DPH6: variants seen among roughly 807,000 people sequenced by gnomAD.
DPH6 encodes the protein diphthamine biosynthesis 6.
DPH6 carries 33 observed loss-of-function variants against 38.2 expected under a neutral mutation model. That is an observed-to-expected ratio of 0.86 (90% CI 0.65 to 1.15). DPH6 has a LOEUF of 1.15. Among genes scored for constraint, DPH6 ranks in the 50% most tolerant of loss-of-function variants. The pLI, the probability that DPH6 is intolerant of heterozygous loss-of-function variation, is 0.00. For synonymous variants in DPH6, 108 were observed against 103.0 expected, an observed-to-expected ratio of 1.05 and a Z score of -0.30; for missense variants, 325 against 320.0, an observed-to-expected ratio of 1.02 and a Z score of -0.12.
intron 3 of DPH6, among the ~76,000 whole-genome samples, chr15:35,527,109 G>T (rs183403458): frequency 6.6e-6 from 1 of 152,138 alleles, no homozygotes; most frequent in African/African-American, 2.4e-5. Flanking sequence ...TACTAATAAA[G>T]TCAAGAAAAT....
At chr15:35,362,152 C>T (rs961421553) in intron 3 of DPH6, among the ~76,000 whole-genome samples, 1 of 152,190 alleles carries the variant, frequency 6.6e-6, no homozygotes, top group Admixed American at 6.5e-5. Context: ...GGGGATGCCT[C>T]TTTCCTGGGT....
intron 5 of DPH6, among the ~76,000 whole-genome samples, chr15:35,420,183 G>T (rs2053486458): frequency 6.6e-6 from 1 of 152,098 alleles, no homozygotes; most frequent in African/African-American, 2.4e-5. Flanking sequence ...TCCTGAAGGA[G>T]CATATGACCC....
In DPH6 at chr15:35,248,778, C is replaced by A. The variant is rs548265356; in HGVS notation, n.201-28196G>T. Among the ~76,000 whole-genome samples, 27 of 152,250 alleles carry A rather than the reference C, an allele frequency of 1.8e-4. No homozygotes were observed. The East Asian group carries it at 3.9e-3, about 22-fold the overall frequency. On this transcript the variant is annotated intron_variant and non_coding_transcript_variant, in intron 3 of 3. Coordinates refer to the DPH6 transcript ENST00000560386. ...TGTCCCCACACTATAACAAACTTGA[C>A]AAACAATCTGACATATTTAAATGGT...
the DPH6 span, among the ~76,000 whole-genome samples, chr15:35,193,612 C>T: frequency 6.6e-6 from 1 of 151,982 alleles, no homozygotes; most frequent in Non-Finnish European, 1.5e-5. Flanking sequence ...AGAAGGACCA[C>T]AATTATATAT....
intron 3 of DPH6, among the ~76,000 whole-genome samples, chr15:35,319,009 A>G (rs924092019): frequency 6.6e-6 from 1 of 152,200 alleles, no homozygotes; most frequent in Non-Finnish European, 1.5e-5. Context: ...CCACAAAAAC[A>G]AAGAAACCTT....
chr15:35,152,360 G>A, the DPH6 span, among the ~76,000 whole-genome samples: 2 of 151,972 alleles, frequency 1.3e-5, no homozygotes, highest in African/African-American at 2.4e-5. Flanking sequence ...AGTCACAGTT[G>A]ACATCAGCAT....
chr15:35,158,813 C>T, the DPH6 span, among the ~76,000 whole-genome samples: 4 of 151,818 alleles, frequency 2.6e-5, no homozygotes, highest in African/African-American at 7.2e-5. Context: ...AGAACTCTTC[C>T]GTCTCTCTAC....
At chr15:35,539,002 T>G (rs2055213793) in intron 2 of DPH6, among the ~76,000 whole-genome samples, 1 of 152,068 alleles carries the variant, frequency 6.6e-6, no homozygotes, top group African/African-American at 2.4e-5. Context: ...AGATATATAT[T>G]CAATATTGTT....
chr15:35,321,534 A>G (rs2052240393), intron 3 of DPH6, among the ~76,000 whole-genome samples: 1 of 152,206 alleles, frequency 6.6e-6, no homozygotes, highest in Non-Finnish European at 1.5e-5. Flanking sequence ...AGAAGGGAGA[A>G]CTTCTGTGGT....
At chr15:35,213,969 A>G (rs548856265), downstream of DPH6, among the ~76,000 whole-genome samples, 93 of 152,268 alleles carry the variant, frequency 6.1e-4, no homozygotes, top group Middle Eastern at 3.4e-3. Context: ...AAAATTAGCC[A>G]GACGTGGTGG....
intron 3 of DPH6, among the ~76,000 whole-genome samples, chr15:35,305,857 T>C (rs564696612): frequency 6.6e-6 from 1 of 152,296 alleles, no homozygotes; most frequent in East Asian, 1.9e-4. Context: ...AATCGAGTCT[T>C]ATAATTTTGT....
intron 3 of DPH6, among the ~76,000 whole-genome samples, chr15:35,342,401 C>T (rs1372364794): frequency 4.6e-5 from 7 of 152,224 alleles, no homozygotes; most frequent in Admixed American, 4.6e-4. Flanking sequence ...CACTGCTTCC[C>T]TTGGCTAGGG....
chr15:35,339,306 C>T (rs1234111501), intron 3 of DPH6, among the ~76,000 whole-genome samples: 1 of 148,834 alleles, frequency 6.7e-6, no homozygotes, highest in Non-Finnish European at 1.5e-5. Flanking sequence ...TCATTTCTGC[C>T]TTAATTTCAT....
chr15:35,295,773 A>C (rs2052010530), intron 3 of DPH6, among the ~76,000 whole-genome samples: 1 of 152,148 alleles, frequency 6.6e-6, no homozygotes, highest in Middle Eastern at 3.2e-3. Context: ...TTTCCTTTTA[A>C]GTAACATAGA....
chr15:35,372,484 T>C, intron 8 of DPH6: 1 of 230,066 alleles, frequency 4.3e-6, no homozygotes, highest in Non-Finnish European at 8.4e-6. Flanking sequence ...GCGTACATGG[T>C]AGCAAAAGTA....
chr15:35,520,891 A>T, intron 3 of DPH6: 1 of 985,198 alleles, frequency 1.0e-6, no homozygotes, highest in South Asian at 4.7e-5. Context: ...CTGGAAAAAC[A>T]GTATACAACT....
intron 3 of DPH6, among the ~76,000 whole-genome samples, chr15:35,280,242 C>A (rs1167838830): frequency 6.6e-6 from 1 of 152,214 alleles, no homozygotes; most frequent in African/African-American, 2.4e-5. Flanking sequence ...GAGGGCTAGA[C>A]AGTTTCTACT....
chr15:35,444,861 T>C (rs2053831091), intron 5 of DPH6, among the ~76,000 whole-genome samples: 1 of 146,330 alleles, frequency 6.8e-6, no homozygotes, highest in African/African-American at 2.4e-5. Flanking sequence ...TGATTTGGTA[T>C]GATATTAGTA....
At chr15:35,275,279 T>C (rs530189094) in intron 3 of DPH6, among the ~76,000 whole-genome samples, 1 of 152,106 alleles carries the variant, frequency 6.6e-6, no homozygotes, top group African/African-American at 2.4e-5. Flanking sequence ...CTATTTACAA[T>C]AGCAAAGACT....
Sources: allele counts gnomAD v4.1 joint callset (sites outside exome capture counted in the v4.1 genomes callset), GRCh38; gene constraint gnomAD v4.1.1; transcripts MANE v1.5; gene names NCBI Gene and HGNC (gene_info 2026-07-23, HGNC 2026-07-21).